Variants in PHACTR4 observed in about 807,000 individuals in gnomAD.
PHACTR4 encodes the protein protein phosphatase 1, regulatory subunit 124.
A neutral mutation model predicts 72.7 loss-of-function variants in PHACTR4; 51 were observed. That is an observed-to-expected ratio of 0.70 (90% confidence interval 0.56 to 0.89). The LOEUF is 0.89. PHACTR4 is among the 40% of genes least tolerant of loss of function. The pLI is 0.00. For missense variants in PHACTR4, 731 were observed against 861.8 expected (o/e 0.85, Z 1.90); for synonymous variants, 255 against 302.5 (o/e 0.84, Z 1.63).
intron 1 of PHACTR4, among the ~76,000 whole-genome samples, chr1:28,399,083 G>A (rs190450410): frequency 4.6e-5 from 7 of 151,972 alleles, no homozygotes; most frequent in East Asian, 2.0e-4. Context: ...AGGCCGAGGC[G>A]GGTGGATCAC....
chr1:28,410,027 G>T (rs917372596), intron 2 of PHACTR4, among the ~76,000 whole-genome samples: 1 of 140,498 alleles, frequency 7.1e-6, no homozygotes, highest in Non-Finnish European at 1.5e-5. Context: ...AGTGCAGTGG[G>T]GTGATCTGGG....
At chr1:28,438,367 A>G (rs767529442) in intron 2 of PHACTR4, 6 of 1,609,276 alleles carry the variant, frequency 3.7e-6, no homozygotes, top group Non-Finnish European at 5.1e-6. Context: ...GTCGTGAGAT[A>G]CATCAGACAA....
intron 1 of PHACTR4, among the ~76,000 whole-genome samples, chr1:28,389,629 C>T (rs1186941715): frequency 3.3e-5 from 5 of 152,056 alleles, no homozygotes. Flanking sequence ...GGGCGCGTGC[C>T]ACCACGCCCA....
At chr1:28,380,268 G>A (rs1373226407) in intron 1 of PHACTR4, among the ~76,000 whole-genome samples, 2 of 150,942 alleles carry the variant, frequency 1.3e-5, no homozygotes, top group Non-Finnish European at 3.0e-5. Flanking sequence ...GTGTTAGCCA[G>A]GATGGTCTCG....
intron 1 of PHACTR4, among the ~76,000 whole-genome samples, chr1:28,398,380 C>T (rs1273118698): frequency 1.3e-5 from 2 of 151,820 alleles, no homozygotes; most frequent in Admixed American, 1.3e-4. Flanking sequence ...ATTAGCCAGG[C>T]ATAGTGGCAT....
At chr1:28,397,511 A>G (rs1653600405) in intron 1 of PHACTR4, among the ~76,000 whole-genome samples, 2 of 152,298 alleles carry the variant, frequency 1.3e-5, no homozygotes, top group South Asian at 4.1e-4. Context: ...GTTATTTTGA[A>G]TAACACGGGT....
chr1:28,371,343 G>A (rs1363185687), intron 1 of PHACTR4, among the ~76,000 whole-genome samples: 1 of 152,132 alleles, frequency 6.6e-6, no homozygotes. Flanking sequence ...TACCCAGGCT[G>A]GAATGCAATG....
chr1:28,482,038 C>T (rs1352914416), intron 9 of PHACTR4, among the ~76,000 whole-genome samples: 1 of 151,992 alleles, frequency 6.6e-6, no homozygotes, highest in Non-Finnish European at 1.5e-5. Context: ...GCTGGGACTA[C>T]AAGCTCATAC....
At chr1:28,458,111 TGTGTGTG>T (rs1311014262) in intron 2 of PHACTR4, among the ~76,000 whole-genome samples, 26 of 27,962 alleles carry the variant, frequency 9.3e-4, no homozygotes, top group African/African-American at 5.5e-3. Context: ...TGTGTGTTTG[TGTGTGTG>T]TGTGTGTGTG....
rs375193168 is a variant in PHACTR4 at position 28,480,655 on chromosome 1, T to C, written c.1760+51T>C. 3.8e-6 allele frequency: 6 copies of C among 1,585,082 alleles called. No individual in the cohort carries two copies. The African/African-American group carries it at 6.7e-5, about 18-fold the overall frequency. ...ATTGATTTGGTTATGCCAGTATTTG[T>C]GTTAGATGTTGTTAGATGTGTTGTT... On this transcript the variant is annotated intron_variant, in intron 9 of 13. Transcript: ENST00000373839.
intron 1 of PHACTR4, among the ~76,000 whole-genome samples, chr1:28,404,368 C>T (rs899116859): frequency 2.7e-5 from 4 of 150,840 alleles, no homozygotes; most frequent in South Asian, 2.1e-4. Flanking sequence ...CTGCAACCTC[C>T]GCCTCCTGGG....
At chr1:28,379,420 G>A (rs1651960041) in intron 1 of PHACTR4, among the ~76,000 whole-genome samples, 3 of 148,068 alleles carry the variant, frequency 2.0e-5, no homozygotes, top group Non-Finnish European at 4.5e-5. Context: ...CTATAGGTGC[G>A]GGCCACCACG....
chr1:28,375,366 A>C (rs370792189), intron 1 of PHACTR4, among the ~76,000 whole-genome samples: 17 of 149,574 alleles, frequency 1.1e-4, no homozygotes, highest in South Asian at 2.1e-4. Context: ...AACAAGGAGC[A>C]TTGGAAGAAG....
At position 28,476,232 on chromosome 1, in the gene PHACTR4, C is replaced by G. The variant is rs1458231343; in HGVS notation, c.1547C>G (p.Ser516Cys). The change falls in exon 8 of 14, where the codon TCT (serine) becomes TGT (cysteine). Residue 516 changes from serine to cysteine, a missense_variant. Physicochemically the swap from Ser to Cys is moderately radical, Grantham distance 112 (BLOSUM62 -1). This residue lies in a region of PHACTR4 where 621 missense variants were observed against 676.6 expected (regional missense o/e 0.92). Transcript: ENST00000373839. ...LREEEEKESD[S>C]DSEGPIQYRD... ...GAGGAAGAAGAGAAGGAGAGCGACTCTGATTCAGAAGGTCCCATTCAGTAC... is the reference window on the plus strand; with the variant it reads ...GAGGAAGAAGAGAAGGAGAGCGACTGTGATTCAGAAGGTCCCATTCAGTAC... 1 of 1,613,634 alleles carries G rather than the reference C, an allele frequency of 6.2e-7. No individual in the cohort carries two copies. Among genetic ancestry groups the G allele is most frequent in the Admixed American group, 1.7e-5 (1 of 59,960 alleles).
intron 1 of PHACTR4, among the ~76,000 whole-genome samples, chr1:28,398,624 G>A (rs1653706718): frequency 6.6e-6 from 1 of 152,056 alleles, no homozygotes; most frequent in Non-Finnish European, 1.5e-5. Flanking sequence ...TTCGAGACCA[G>A]CCTGGTGAAC....
At chr1:28,404,807 G>A (rs116024153) in intron 1 of PHACTR4, among the ~76,000 whole-genome samples, 220 of 152,168 alleles carry the variant, frequency 1.4e-3, no homozygotes, top group Non-Finnish European at 2.7e-3. Context: ...ACACTTGCAG[G>A]TTTGTTATAT....
At chr1:28,465,553 C>A in intron 4 of PHACTR4, 132 bp from the exon 5 acceptor site, 1 of 905,248 alleles carries the variant, frequency 1.1e-6, no homozygotes, top group Non-Finnish European at 1.6e-6. Flanking sequence ...GAGTTCAAGA[C>A]CAGCCTGGGC....
chr1:28,446,500 G>C lies in PHACTR4; in HGVS notation c.17-12585G>C. Reference sequence around the variant, plus strand: ...TCTGGTCATTTAAAAGTGTGTGGAGGCTGGGTGCAGTGGCTCATGCCTGTA... The same window carrying C: ...TCTGGTCATTTAAAAGTGTGTGGAGCCTGGGTGCAGTGGCTCATGCCTGTA... On this transcript the variant is annotated intron_variant, in intron 2 of 13. Coordinates refer to ENST00000373839, the MANE Select transcript of PHACTR4 (RefSeq NM_001048183.3). Among the ~76,000 whole-genome samples the C allele has an allele frequency of 2.0e-5, 3 of 152,292 alleles. 1 individual carries two copies. Among genetic ancestry groups the C allele is most frequent in the Admixed American group, 2.0e-4 (3 of 15,296 alleles).
chr1:28,492,986 G>T, intron 12 of PHACTR4, 29 bp from the exon 13 acceptor site: 1 of 1,570,748 alleles, frequency 6.4e-7, no homozygotes, highest in East Asian at 2.2e-5. Context: ...GCCAGAAGAA[G>T]CTGAAACATT....
Sources: gnomAD v4.1 joint callset for allele counts (sites outside exome capture counted in the v4.1 genomes callset) on GRCh38, gnomAD v4.1.1 for gene constraint, gnomAD v4.1.1 regional missense constraint, MANE v1.5 for transcripts, NCBI Gene and HGNC (gene_info 2026-07-23, HGNC 2026-07-21) for gene names.